TTN: variants seen among roughly 807,000 people sequenced by gnomAD.
TTN encodes connectin.
TTN carries 1,525 observed loss-of-function variants against 3,223.0 expected under a neutral mutation model. The observed-to-expected ratio is 0.47, with a 90% CI of 0.45 to 0.49. The LOEUF (loss-of-function observed/expected upper bound fraction) is 0.49, where lower values mean the gene tolerates loss of function less well. Among genes scored for constraint, TTN ranks in the 20% least tolerant of loss-of-function variants. The probability of loss-of-function intolerance (pLI) is 0.00; values close to 1 mark genes in which losing one functional copy is unlikely to be tolerated. For missense variants in TTN, 40,786 were observed against 43,424.0 expected, an observed-to-expected ratio of 0.94 and a Z score of 5.40; for synonymous variants, 14,094 against 15,161.0, an observed-to-expected ratio of 0.93 and a Z score of 5.17.
At chr2:178,541,232 C>T (rs1694364622) in intron 350 of TTN, 50 bp downstream of exon 350, 1 of 1,415,968 alleles carries the variant, frequency 7.1e-7, no homozygotes. Flanking sequence ...TGAATTTTCC[C>T]ACATATAAAT....
chr2:178,559,929 C>T lies in TTN; in HGVS notation c.86203G>A (p.Asp28735Asn), dbSNP rs1703015531. The T allele has an allele frequency of 6.2e-7, 1 of 1,613,656 alleles. No homozygotes were observed. Among genetic ancestry groups the T allele is most frequent in the African/African-American group, 1.3e-5 (1 of 74,928 alleles). Residue 28735 changes from aspartate to asparagine, a missense_variant, in exon 326 of 363, where the codon GAC becomes AAC. Physicochemically the swap from Asp to Asn is conservative, Grantham distance 23. Transcript: ENST00000589042. ...TGAGGGTCAGAGCTATCACTGGGGT[C>T]ACTAGCACCAACCTTATTGACAGAT... ...VKSVNKVGASDPSDSSDPQIA... is the reference protein window; with the variant it reads ...VKSVNKVGASNPSDSSDPQIA...
chr2:178,594,068 A>G lies in TTN; in HGVS notation c.58325T>C (p.Leu19442Pro), dbSNP rs755527935. Residue 19442 changes from leucine to proline, a missense_variant, in exon 297 of 363, where the codon CTT becomes CCT. Transcript: ENST00000589042. ...TTTGGCCTTGATCTTCTCTAAAGCA[A>G]GTGTTGCTGGTGTAGTCTTTATATG... is the stretch of plus-strand genomic sequence containing the variant. ...RTHIKTTPATLALEKIKAKRS... is the reference protein window; with the variant it reads ...RTHIKTTPATPALEKIKAKRS... 6.2e-7 allele frequency: 1 copy of G among 1,613,478 alleles called. No individual in the cohort carries two copies. Among genetic ancestry groups the G allele is most frequent in the South Asian group, 1.1e-5 (1 of 91,064 alleles).
In TTN at chr2:178,777,994, C is replaced by A. The variant is rs376437071; in HGVS notation, c.4209-19G>T. On this transcript the variant is annotated intron_variant, in intron 24 of 362. Transcript: ENST00000589042. ...GAGAGATCTGCAAAACAAAGACACACAATACTTTCGTGAGGCATAAAGAAA... is the reference window on the plus strand; with the variant it reads ...GAGAGATCTGCAAAACAAAGACACAAAATACTTTCGTGAGGCATAAAGAAA... 3.7e-6 allele frequency: 6 copies of A among 1,611,446 alleles called. No individual in the cohort carries two copies. Among genetic ancestry groups the A allele is most frequent in the Non-Finnish European group, 4.2e-6 (5 of 1,178,994 alleles).
At position 178,557,770 on chromosome 2, in the gene TTN, G is replaced by T. The variant is rs751134822; in HGVS notation, c.87584C>A (p.Thr29195Asn). The change falls in exon 328 of 363, where the codon ACC becomes AAC. Residue 29195 changes from threonine to asparagine, a missense_variant. Coordinates refer to ENST00000589042, the MANE Select transcript of TTN (RefSeq NM_001267550.2). ...GGTCAGTTTCATGACTTTCATCATG[G>T]TTCTTGCAACTGTTGCAGACACTTC... ...WTEVSATVAR[T>N]MMKVMKLTTG... 1.9e-6 allele frequency: 3 copies of T among 1,613,924 alleles called. No homozygotes were observed. In the South Asian group the frequency reaches 3.3e-5, roughly 18 times the overall value.
At chr2:178,588,445 CAGATT>C in intron 304 of TTN, 88 bp downstream of exon 304, 10 of 1,371,798 alleles carry the variant, frequency 7.3e-6, no homozygotes, top group Non-Finnish European at 9.8e-6. Context: ...TTGGATGTTA[CAGATT>C]TAGATGTTAC....
Position 178,680,016 on chromosome 2 carries a change from G to T in TTN, c.33458C>A (p.Ala11153Asp). 1.2e-6 allele frequency: 2 copies of T among 1,613,058 alleles called. No individual in the cohort carries two copies. Among genetic ancestry groups the T allele is most frequent in the Non-Finnish European group, 1.7e-6 (2 of 1,179,404 alleles). Residue 11153 changes from alanine (A) to aspartate (D), a missense_variant, in exon 140 of 363, where the codon GCC (alanine) becomes GAC (aspartate). Physicochemically the swap from Ala to Asp is moderately radical, Grantham distance 126 (BLOSUM62 -2). Coordinates refer to ENST00000589042, the MANE Select transcript of TTN (RefSeq NM_001267550.2). ...VPKELEPEEVAFEEEVVTHVE... is the reference protein window; with the variant it reads ...VPKELEPEEVDFEEEVVTHVE... ...ATGGGTTACAACTTCCTCTTCAAAG[G>T]CAACCTCTTCTGGTTCAAGTTCTTT...
At chr2:178,540,023 A>C in intron 351 of TTN, 45 bp downstream of exon 351, 1 of 1,597,644 alleles carries the variant, frequency 6.3e-7, no homozygotes, top group Non-Finnish European at 8.5e-7. Flanking sequence ...CTAAGAAATA[A>C]GTCTATGGCA....
chr2:178,612,299 A>G lies in TTN; in HGVS notation c.50226T>C (p.Ser16742=). Reference sequence around the variant, plus strand: ...TACTAAAGGTGTCTTTGGCCAGCACAGAGTCCTCAATTTCGGTGTAGTCGC... The same window carrying G: ...TACTAAAGGTGTCTTTGGCCAGCACGGAGTCCTCAATTTCGGTGTAGTCGC... ...GQSDYTEIED[S]VLAKDTFTTP... Residue 16742 remains serine, a synonymous_variant, in exon 266 of 363, where the codon TCT becomes TCC. Transcript: ENST00000589042. The G allele has an allele frequency of 2.5e-6, 4 of 1,612,610 alleles. No individual in the cohort carries two copies. Among genetic ancestry groups the G allele is most frequent in the Non-Finnish European group, 3.4e-6 (4 of 1,179,172 alleles).
chr2:178,722,662 G>T lies in TTN; in HGVS notation c.22237C>A (p.Gln7413Lys). 3 of 1,603,802 alleles carry T rather than the reference G, an allele frequency of 1.9e-6. No individual in the cohort carries two copies. In the Middle Eastern group the frequency reaches 5.0e-4, roughly 268 times the overall value. ...TTAATTTGTAAAATATCATCACCTT[G>T]AATTCTGAACACAGTCTTAGAAGAA... ...TASSKTVFRI[Q>K]ERQLPPSFAR... The change falls in exon 76 of 363, where the codon CAA becomes AAA. Residue 7413 changes from glutamine (Q) to lysine (K), a missense_variant. Transcript: ENST00000589042.
intron 220 of TTN, 37 bp from the exon 221 acceptor site, chr2:178,640,667 G>A (rs542907462): frequency 4.1e-6 from 6 of 1,473,996 alleles, no homozygotes; most frequent in Admixed American, 4.7e-5. Flanking sequence ...GTTAATATTT[G>A]AATATTTAGG....
At chr2:178,670,114 C>A (rs1367650449) in intron 157 of TTN, 104 bp downstream of exon 157, 4 of 686,748 alleles carry the variant, frequency 5.8e-6, no homozygotes, top group South Asian at 4.2e-5. Context: ...AAGTTTATGT[C>A]ATTCATAGCC....
At position 178,719,756 on chromosome 2, in the gene TTN, C is replaced by A; in HGVS notation, c.23736G>T (p.Val7912=). Residue 7912 remains valine, a synonymous_variant, in exon 82 of 363, where the codon GTG becomes GTT. Coordinates refer to ENST00000589042, the MANE Select transcript of TTN (RefSeq NM_001267550.2). The part of the protein sequence containing the change: ...TGNPFALECV[V]TGTPELSAKW... ...TGGCTGAGAGTTCTGGTGTTCCAGT[C>A]ACTACACACTCTAATGCAAAAGGAT... 1 of 1,613,658 alleles carries A rather than the reference C, an allele frequency of 6.2e-7. No homozygotes were observed. The highest frequency in any genetic ancestry group is 1.1e-5 in the South Asian group (1 of 91,064).
intron 291 of TTN, 43 bp from the exon 292 acceptor site, chr2:178,598,697 G>A (rs1337551516): frequency 6.2e-7 from 1 of 1,601,642 alleles, no homozygotes; most frequent in Non-Finnish European, 8.5e-7. Context: ...ACTTTTCCAA[G>A]GCACTTTTGG....
Position 178,777,967 on chromosome 2 carries a change from G to C in TTN, c.4217C>G (p.Ser1406Cys). ...LEPVSRIRSL[S>C]PRSVSRSPIR... ...AGGAGACCTGCTCACTGAACGTGGAGAGAGAGATCTGCAAAACAAAGACAC... is the reference window on the plus strand; with the variant it reads ...AGGAGACCTGCTCACTGAACGTGGACAGAGAGATCTGCAAAACAAAGACAC... The change falls in exon 25 of 363, where the codon TCT (serine) becomes TGT (cysteine). Residue 1406 changes from serine to cysteine, a missense_variant. Physicochemically the swap from Ser to Cys is moderately radical, Grantham distance 112. Coordinates refer to ENST00000589042, the MANE Select transcript of TTN (RefSeq NM_001267550.2). The C allele has an allele frequency of 1.2e-6, 2 of 1,613,758 alleles. No individual in the cohort carries two copies. Among genetic ancestry groups the C allele is most frequent in the Non-Finnish European group, 1.7e-6 (2 of 1,179,852 alleles).
Position 178,592,931 on chromosome 2 carries a change from C to T in TTN, c.59188G>A (p.Ala19730Thr), listed in dbSNP as rs2050547088. The T allele has an allele frequency of 6.2e-7, 1 of 1,613,416 alleles. No individual in the cohort carries two copies. The highest frequency in any genetic ancestry group is 1.1e-5 in the South Asian group (1 of 91,066). ...GGACATGACTCAGGGGTGTGATTGG[C>T]TCTTCTCCACTCTTCATCTCCAACT... ...QKVGDEEWRR[A>T]NHTPESCPET... Residue 19730 changes from alanine to threonine, a missense_variant, in exon 300 of 363, where the codon GCC becomes ACC. Coordinates refer to ENST00000589042, the MANE Select transcript of TTN (RefSeq NM_001267550.2).
At chr2:178,642,079 A>G (rs1336602518) in intron 219 of TTN, among the ~76,000 whole-genome samples, 158 bp downstream of exon 219, 3 of 151,778 alleles carry the variant, frequency 2.0e-5, no homozygotes, top group Non-Finnish European at 4.4e-5. Flanking sequence ...AAAGATCTGG[A>G]AATGACATTT....
At chr2:178,666,978 ATG>A in intron 162 of TTN, 77 bp from the exon 163 acceptor site, 1 of 1,054,948 alleles carries the variant, frequency 9.5e-7, no homozygotes, top group Non-Finnish European at 1.3e-6. Context: ...AAAGTTAGAT[ATG>A]TTAATATCAT....
intron 121 of TTN, among the ~76,000 whole-genome samples, chr2:178,690,692 A>G (rs1186354879): frequency 3.3e-5 from 5 of 152,210 alleles, no homozygotes; most frequent in African/African-American, 7.2e-5. Flanking sequence ...AGCTTTTGTG[A>G]ATCCCTGCAC....
chr2:178,634,700 C>T lies in TTN; in HGVS notation c.42151+23G>A. On this transcript the variant is annotated intron_variant, in intron 229 of 362. Transcript: ENST00000589042. The surrounding 1 kb of genome is among the most constrained non-coding windows in gnomAD (Gnocchi z 4.6). The stretch of plus-strand genomic sequence containing the variant: ...AAGTGAAATAAAGTTGAGACCCCTC[C>T]CCAAATTCTAAAAGCCCCATACCTT... 1 of 1,612,478 alleles carries T rather than the reference C, an allele frequency of 6.2e-7. No homozygotes were observed. Among genetic ancestry groups the T allele is most frequent in the Non-Finnish European group, 8.5e-7 (1 of 1,179,292 alleles).
Sources: gnomAD v4.1 joint callset for allele counts (sites outside exome capture counted in the v4.1 genomes callset) on GRCh38, gnomAD v4.1.1 for gene constraint, Gnocchi (gnomAD v3.1) non-coding constraint, MANE v1.5 for transcripts, NCBI Gene and HGNC (gene_info 2026-07-23, HGNC 2026-07-21) for gene names.